KCNQ1OT1: variants seen among roughly 807,000 people sequenced by gnomAD.
KCNQ1OT1 encodes the protein KCNQ1 opposite strand/antisense transcript 1, also known as KCNQ1 antisense RNA 2 (non-protein coding).
chr11:2,695,715 C>T lies in KCNQ1OT1; in HGVS notation n.4280G>A. On this transcript the variant is annotated non_coding_transcript_exon_variant, in exon 1 of 1. Coordinates refer to ENST00000597346, the Ensembl canonical transcript of KCNQ1OT1. The surrounding 1 kb of genome is among the most constrained non-coding windows in gnomAD (Gnocchi z 5.2). ...GAACGTCTGTGCCTGTCTCCGTCCCCACCTGCAGCACACAGGGAGGCTTGT... is the reference window on the plus strand; with the variant it reads ...GAACGTCTGTGCCTGTCTCCGTCCCTACCTGCAGCACACAGGGAGGCTTGT... 2.5e-6 allele frequency: 1 copy of T among 398,664 alleles called. No individual in the cohort carries two copies. The highest frequency in any genetic ancestry group is 4.4e-6 in the Non-Finnish European group (1 of 226,080). The allele number at this position is 398,664 out of a possible 1,614,324, so 24.7% of individuals were successfully genotyped here. A position where few individuals can be genotyped will look rare whatever the true frequency, so the allele number is the denominator to read the frequency against.
rs948852192 is a variant in KCNQ1OT1, at chr11:2,652,760, C to T, written n.47235G>A. On this transcript the variant is annotated non_coding_transcript_exon_variant, in exon 1 of 1. Transcript: ENST00000597346. This position sits in a 1 kb window ranked among gnomAD's most constrained non-coding sequence, Gnocchi z 5.9. Reference sequence around the variant, plus strand: ...TGACCCTGTCCTGGCTCTGTCACTGCCTGTCTTCCTCAGCGCCCCCGCTAC... The same window carrying T: ...TGACCCTGTCCTGGCTCTGTCACTGTCTGTCTTCCTCAGCGCCCCCGCTAC... 3 of 399,038 alleles carry T rather than the reference C, an allele frequency of 7.5e-6. No individual in the cohort carries two copies. The highest frequency in any genetic ancestry group is 4.4e-5 in the Admixed American group (1 of 22,742). The allele number at this position is 399,038 out of a possible 1,614,324, so 24.7% of individuals were successfully genotyped here.
exon 1 of KCNQ1OT1, chr11:2,614,453 T>C: frequency 5.0e-6 from 2 of 398,532 alleles, no homozygotes; most frequent in Admixed American, 8.8e-5. Context: ...TAAGAATTTA[T>C]TTCCAATCTC....
Position 2,617,617 on chromosome 11 carries a change from A to C in KCNQ1OT1, n.82378T>G. The C allele has an allele frequency of 2.5e-6, 1 of 398,442 alleles. No individual in the cohort carries two copies. Among genetic ancestry groups the C allele is most frequent in the Admixed American group, 4.4e-5 (1 of 22,720 alleles). 24.7% of individuals were successfully genotyped at this position (398,442 alleles called of 1,614,324 possible). On this transcript the variant is annotated non_coding_transcript_exon_variant, in exon 1 of 1. Transcript: ENST00000597346. This position sits in a 1 kb window ranked among gnomAD's most constrained non-coding sequence, Gnocchi z 4.6. ...GTGGGTCAGATGATAGTATATTTTC[A>C]ATTTCTTTAGGAGCCACCATTCTGT...
exon 1 of KCNQ1OT1, chr11:2,641,599 T>A (rs960664135): frequency 1.0e-5 from 4 of 398,412 alleles, no homozygotes; most frequent in Non-Finnish European, 1.8e-5. Flanking sequence ...CTCTTCACTC[T>A]GGTGATTGTT....
chr11:2,682,215 C>A lies in KCNQ1OT1; in HGVS notation n.17780G>T. ...CTTCCCCAGGCCAGGACTGTCTTAT[C>A]CTGTGGTTCTTAGCTGAAATGTCCC... On this transcript the variant is annotated non_coding_transcript_exon_variant, in exon 1 of 1. Coordinates refer to ENST00000597346, the Ensembl canonical transcript of KCNQ1OT1. This position sits in a 1 kb window ranked among gnomAD's most constrained non-coding sequence, Gnocchi z 5.8. The A allele has an allele frequency of 2.5e-6, 1 of 398,554 alleles. No individual in the cohort carries two copies. Among genetic ancestry groups the A allele is most frequent in the East Asian group, 3.6e-5 (1 of 28,072 alleles). The allele number at this position is 398,554 out of a possible 1,614,324, so 24.7% of individuals were successfully genotyped here. A position where few individuals can be genotyped will look rare whatever the true frequency, so the allele number is the denominator to read the frequency against.
At position 2,695,282 on chromosome 11, in the gene KCNQ1OT1, C is replaced by T; in HGVS notation, n.4713G>A. ...TTCATCTCTAGCCTCTATCCTTGCT[C>T]TCCTCCCTACACAAACAGCTTCTCC... is the stretch of plus-strand genomic sequence containing the variant. On this transcript the variant is annotated non_coding_transcript_exon_variant, in exon 1 of 1. Coordinates refer to ENST00000597346, the Ensembl canonical transcript of KCNQ1OT1. The surrounding 1 kb of genome is among the most constrained non-coding windows in gnomAD (Gnocchi z 5.2). 1 of 398,642 alleles carries T rather than the reference C, an allele frequency of 2.5e-6. No individual in the cohort carries two copies. The highest frequency in any genetic ancestry group is 2.1e-5 in the African/African-American group (1 of 48,724). The allele number at this position is 398,642 out of a possible 1,614,324, so 24.7% of individuals were successfully genotyped here.
At chr11:2,688,441 C>T (rs1850530177) in exon 1 of KCNQ1OT1, 1 of 398,770 alleles carries the variant, frequency 2.5e-6, no homozygotes, top group Non-Finnish European at 4.4e-6. Flanking sequence ...CCTGCCTGTG[C>T]CATCACTATT....
chr11:2,664,207 C>G lies in KCNQ1OT1; in HGVS notation n.35788G>C. 1 of 398,642 alleles carries G rather than the reference C, an allele frequency of 2.5e-6. No homozygotes were observed. The allele number at this position is 398,642 out of a possible 1,614,324, so 24.7% of individuals were successfully genotyped here. ...GCCAGCCTGGGAAGGCAGGAAGGAG[C>G]CCAGGCATGGGGCTTGGGGTGAGGG... On this transcript the variant is annotated non_coding_transcript_exon_variant, in exon 1 of 1. Coordinates refer to ENST00000597346, the Ensembl canonical transcript of KCNQ1OT1. This position sits in a 1 kb window ranked among gnomAD's most constrained non-coding sequence, Gnocchi z 5.1.
At position 2,661,540 on chromosome 11, in the gene KCNQ1OT1, T is replaced by C. The variant is rs983782201; in HGVS notation, n.38455A>G. 2 of 502,336 alleles carry C rather than the reference T, an allele frequency of 4.0e-6. No individual in the cohort carries two copies. The highest frequency in any genetic ancestry group is 7.0e-6 in the Non-Finnish European group (2 of 285,468). 31.1% of individuals were successfully genotyped at this position (502,336 alleles called of 1,614,324 possible). A position where few individuals can be genotyped will look rare whatever the true frequency, so the allele number is the denominator to read the frequency against. ...TATCACCCCATCTTTCCTGACCCAC[T>C]ACTCTGTCAATGTATGAGTGTGACA... On this transcript the variant is annotated non_coding_transcript_exon_variant, in exon 1 of 1. Transcript: ENST00000597346. The surrounding 1 kb of genome is among the most constrained non-coding windows in gnomAD (Gnocchi z 5.9).
Position 2,623,123 on chromosome 11 carries a change from A to G in KCNQ1OT1, n.76872T>C, listed in dbSNP as rs1849202442. On this transcript the variant is annotated non_coding_transcript_exon_variant, in exon 1 of 1. Coordinates refer to ENST00000597346, the Ensembl canonical transcript of KCNQ1OT1. This position sits in a 1 kb window ranked among gnomAD's most constrained non-coding sequence, Gnocchi z 5.2. ...TGTTTAAACGTGTGTGGCACTTCCCATCTCACTTTCTTTCCCTCTCCTGTT... is the reference window on the plus strand; with the variant it reads ...TGTTTAAACGTGTGTGGCACTTCCCGTCTCACTTTCTTTCCCTCTCCTGTT... The G allele has an allele frequency of 5.0e-6, 2 of 398,470 alleles. No homozygotes were observed. The highest frequency in any genetic ancestry group is 4.4e-6 in the Non-Finnish European group (1 of 226,034). 24.7% of individuals were successfully genotyped at this position (398,470 alleles called of 1,614,324 possible). A position where few individuals can be genotyped will look rare whatever the true frequency, so the allele number is the denominator to read the frequency against.
At position 2,647,484 on chromosome 11, in the gene KCNQ1OT1, G is replaced by T; in HGVS notation, n.52511C>A. 2.5e-6 allele frequency: 1 copy of T among 398,468 alleles called. No homozygotes were observed. 24.7% of individuals were successfully genotyped at this position (398,468 alleles called of 1,614,324 possible). A position where few individuals can be genotyped will look rare whatever the true frequency, so the allele number is the denominator to read the frequency against. On this transcript the variant is annotated non_coding_transcript_exon_variant, in exon 1 of 1. Coordinates refer to ENST00000597346, the Ensembl canonical transcript of KCNQ1OT1. This position sits in a 1 kb window ranked among gnomAD's most constrained non-coding sequence, Gnocchi z 4.0. ...TTTTGCTGTTATTGTGTCCTTATCTGGTTTTGGTATCAAGATACTGCTTGC... is the reference window on the plus strand; with the variant it reads ...TTTTGCTGTTATTGTGTCCTTATCTTGTTTTGGTATCAAGATACTGCTTGC...
At position 2,662,369 on chromosome 11, in the gene KCNQ1OT1, T is replaced by C. The variant is rs910651450; in HGVS notation, n.37626A>G. 5.5e-6 allele frequency: 3 copies of C among 548,838 alleles called. No individual in the cohort carries two copies. The East Asian group carries it at 8.7e-5, about 16-fold the overall frequency. The allele number at this position is 548,838 out of a possible 1,614,324, so 34.0% of individuals were successfully genotyped here. ...CTTTGAGAGTCTGAGATTGTTTTTC[T>C]CTCCCCCAGCCCCCTCCCCTGCCCC... On this transcript the variant is annotated non_coding_transcript_exon_variant, in exon 1 of 1. Transcript: ENST00000597346.
rs1849602371 is a variant in KCNQ1OT1 at position 2,642,921 on chromosome 11, A to G, written n.57074T>C. Reference sequence around the variant, plus strand: ...TCTGCCTTAATTTCTTCTTTGACCCATTGGTCATTCAGGAACATGTTAATT... The same window carrying G: ...TCTGCCTTAATTTCTTCTTTGACCCGTTGGTCATTCAGGAACATGTTAATT... On this transcript the variant is annotated non_coding_transcript_exon_variant, in exon 1 of 1. Transcript: ENST00000597346. This position sits in a 1 kb window ranked among gnomAD's most constrained non-coding sequence, Gnocchi z 4.3. 6 of 397,812 alleles carry G rather than the reference A, an allele frequency of 1.5e-5. No homozygotes were observed. In the East Asian group the frequency reaches 2.1e-4, roughly 14 times the overall value. 24.6% of individuals were successfully genotyped at this position (397,812 alleles called of 1,614,324 possible). A position where few individuals can be genotyped will look rare whatever the true frequency, so the allele number is the denominator to read the frequency against.
chr11:2,633,636 G>A (rs1185869192), exon 1 of KCNQ1OT1: 2 of 398,382 alleles, frequency 5.0e-6, no homozygotes, highest in Non-Finnish European at 8.8e-6. Flanking sequence ...TTTCCCCAGA[G>A]TGTGTTCTTG....
chr11:2,697,624 G>A (rs547960640), exon 1 of KCNQ1OT1: 2 of 398,526 alleles, frequency 5.0e-6, no homozygotes, highest in African/African-American at 4.1e-5. Context: ...CCTCTATTGA[G>A]GGAACCATAT....
At position 2,624,586 on chromosome 11, in the gene KCNQ1OT1, A is replaced by C. The variant is rs1419539769; in HGVS notation, n.75409T>G. 1 of 398,440 alleles carries C rather than the reference A, an allele frequency of 2.5e-6. No individual in the cohort carries two copies. The highest frequency in any genetic ancestry group is 2.1e-5 in the African/African-American group (1 of 48,636). 24.7% of individuals were successfully genotyped at this position (398,440 alleles called of 1,614,324 possible). Reference sequence around the variant, plus strand: ...CTTTTATTGTGGCAAAATACACTTAACATAAAAATTACCATCCTAACCAAT... The same window carrying C: ...CTTTTATTGTGGCAAAATACACTTACCATAAAAATTACCATCCTAACCAAT... On this transcript the variant is annotated non_coding_transcript_exon_variant, in exon 1 of 1. Transcript: ENST00000597346. This position sits in a 1 kb window ranked among gnomAD's most constrained non-coding sequence, Gnocchi z 4.9.
exon 1 of KCNQ1OT1, chr11:2,666,236 G>C: frequency 2.5e-6 from 1 of 398,676 alleles, no homozygotes; most frequent in Non-Finnish European, 4.4e-6. Flanking sequence ...GGCCCATTGA[G>C]ATGGGCATGG....
At chr11:2,630,423 T>C (rs962788730) in exon 1 of KCNQ1OT1, 6 of 398,260 alleles carry the variant, frequency 1.5e-5, no homozygotes, top group Middle Eastern at 6.2e-4. Flanking sequence ...ATGCTAGCCT[T>C]GTAAAATAAG....
Position 2,664,435 on chromosome 11 carries a change from C to T in KCNQ1OT1, n.35560G>A. ...ACGTACAGTGTCAGGGCCTAGGAAC[C>T]CAGGCTCCTCTGGGATACAGGCTGG... On this transcript the variant is annotated non_coding_transcript_exon_variant, in exon 1 of 1. Transcript: ENST00000597346. This position sits in a 1 kb window ranked among gnomAD's most constrained non-coding sequence, Gnocchi z 5.1. The T allele has an allele frequency of 2.5e-6, 1 of 398,638 alleles. No individual in the cohort carries two copies. The highest frequency in any genetic ancestry group is 4.4e-6 in the Non-Finnish European group (1 of 226,104). 24.7% of individuals were successfully genotyped at this position (398,638 alleles called of 1,614,324 possible).
Sources: allele counts gnomAD v4.1 joint callset, GRCh38; gene constraint gnomAD v4.1.1; non-coding constraint Gnocchi (gnomAD v3.1); transcripts MANE v1.5; gene names NCBI Gene and HGNC (gene_info 2026-07-23, HGNC 2026-07-21).